The following RRN3 variants were observed in gnomAD, a reference collection of about 807,000 sequenced individuals.
RRN3 encodes RNA polymerase I-specific transcription initiation factor RRN3.
RRN3 carries 38 observed loss-of-function variants against 82.3 expected under a neutral mutation model. The ratio of observed to expected loss-of-function variants is 0.46; its 90% confidence interval spans 0.36 to 0.61. The LOEUF (loss-of-function observed/expected upper bound fraction) is 0.61. RRN3 is among the 20% of genes least tolerant of loss of function. RRN3 has a pLI of 0.00. For missense variants in RRN3, 726 were observed against 793.1 expected (o/e 0.92, Z 1.02); for synonymous variants, 284 against 284.3 (o/e 1.00, Z 0.01).
At chr16:15,082,809 G>C (rs1242001508) in intron 8 of RRN3, among the ~76,000 whole-genome samples, 1 of 151,978 alleles carries the variant, frequency 6.6e-6, no homozygotes, top group Non-Finnish European at 1.5e-5. Flanking sequence ...AAACTGCACA[G>C]ATGATCTGAA....
At chr16:15,067,713 T>C (rs1471988574) in intron 15 of RRN3, among the ~76,000 whole-genome samples, 1 of 152,028 alleles carries the variant, frequency 6.6e-6, no homozygotes, top group Admixed American at 6.6e-5. Context: ...GCCATCAAAG[T>C]ATAAAAACAA....
intron 16 of RRN3, among the ~76,000 whole-genome samples, chr16:15,064,717 C>T (rs552844781): frequency 6.6e-6 from 1 of 152,334 alleles, no homozygotes; most frequent in South Asian, 2.1e-4. Flanking sequence ...GGGGTGCCTG[C>T]GCCACTCGGC....
chr16:15,062,773 C>G (rs1315674587), intron 17 of RRN3, among the ~76,000 whole-genome samples: 1 of 152,180 alleles, frequency 6.6e-6, no homozygotes, highest in African/African-American at 2.4e-5. Flanking sequence ...CTGGTTTAAG[C>G]AATTTATCCA....
intron 3 of RRN3, among the ~76,000 whole-genome samples, chr16:15,091,087 C>G (rs1449785155): frequency 1.3e-5 from 2 of 152,062 alleles, no homozygotes; most frequent in African/African-American, 4.8e-5. Flanking sequence ...CATTCACCCA[C>G]TAGATGCCAG....
chr16:15,089,572 G>A (rs534426592), intron 3 of RRN3, among the ~76,000 whole-genome samples: 25 of 152,096 alleles, frequency 1.6e-4, no homozygotes, highest in East Asian at 7.7e-4. Context: ...AGGCCAAGGC[G>A]GGCGGATCAC....
intron 3 of RRN3, 87 bp downstream of exon 3, chr16:15,091,228 T>C (rs532735388): frequency 6.5e-7 from 1 of 1,538,784 alleles, no homozygotes. Context: ...GAGCAAGTTC[T>C]GGAGGACAGA....
intron 3 of RRN3, among the ~76,000 whole-genome samples, chr16:15,090,513 C>G (rs1334506134): frequency 1.3e-5 from 2 of 152,192 alleles, no homozygotes; most frequent in Non-Finnish European, 2.9e-5. Context: ...GAGAAAGGAT[C>G]ATTTGAGGCC....
chr16:15,085,636 T>C lies in RRN3; in HGVS notation c.532+3A>G. The stretch of plus-strand genomic sequence containing the variant: ...CCCAGGCTTTAAACCTTTTTATACT[T>C]ACTATCATCTTCATCATCAGAATCT... On this transcript the variant is annotated splice_donor_region_variant and intron_variant, in intron 6 of 17. Transcript: ENST00000198767. 6.2e-7 allele frequency: 1 copy of C among 1,612,878 alleles called. No individual in the cohort carries two copies. The highest frequency in any genetic ancestry group is 8.5e-7 in the Non-Finnish European group (1 of 1,179,288).
intron 8 of RRN3, among the ~76,000 whole-genome samples, chr16:15,080,984 C>T (rs2045678950): frequency 6.6e-6 from 1 of 152,112 alleles, no homozygotes; most frequent in Non-Finnish European, 1.5e-5. Context: ...TAAACCATTC[C>T]TTTCATATCA....
chr16:15,078,898 A>T (rs974928784), intron 9 of RRN3, among the ~76,000 whole-genome samples: 10 of 138,294 alleles, frequency 7.2e-5, no homozygotes, highest in African/African-American at 2.8e-4. Flanking sequence ...TGCAAGCTCC[A>T]CCTCCCGGAT....
chr16:15,068,614 T>C (rs1280075133), intron 14 of RRN3, among the ~76,000 whole-genome samples: 4 of 152,208 alleles, frequency 2.6e-5, no homozygotes, highest in Admixed American at 2.6e-4. Flanking sequence ...TGTGATTTGG[T>C]TTCAGCTAAC....
Position 15,061,657 on chromosome 16 carries a change from A to G in RRN3, c.*87T>C. On this transcript the variant is annotated 3_prime_UTR_variant, in exon 18 of 18. Coordinates refer to ENST00000198767, the MANE Select transcript of RRN3 (RefSeq NM_018427.5). ...GCACTCGCTCTAGTTCAATGCCATCAATGCCCAATGGCACAAGCTGGGTGC... is the reference window on the plus strand; with the variant it reads ...GCACTCGCTCTAGTTCAATGCCATCGATGCCCAATGGCACAAGCTGGGTGC... 2.3e-6 allele frequency: 3 copies of G among 1,307,264 alleles called. No individual in the cohort carries two copies. The highest frequency in any genetic ancestry group is 1.4e-5 in the South Asian group (1 of 73,918). 81.0% of individuals were successfully genotyped at this position (1,307,264 alleles called of 1,614,324 possible).
upstream of RRN3, chr16:15,094,324 G>T (rs2151834210): frequency 1.7e-6 from 2 of 1,203,850 alleles, no homozygotes; most frequent in Admixed American, 2.3e-5. Context: ...GCGTGCCAGC[G>T]CAACCTTCAG....
At chr16:15,068,311 G>C in intron 14 of RRN3, 34 bp from the exon 15 acceptor site, 1 of 1,552,124 alleles carries the variant, frequency 6.4e-7, no homozygotes, top group South Asian at 1.2e-5. Flanking sequence ...TTTTTTTAAA[G>C]GTACAAATAA....
At chr16:15,065,106 C>T (rs2044906907) in intron 16 of RRN3, 113 bp downstream of exon 16, 10 of 1,074,190 alleles carry the variant, frequency 9.3e-6, no homozygotes, top group East Asian at 2.4e-5. Context: ...GCGGAGCTTG[C>T]GGTAAGCCGA....
intron 12 of RRN3, among the ~76,000 whole-genome samples, chr16:15,072,245 C>CA (rs55852324): frequency 0.017 from 2,220 of 133,448 alleles, 30 homozygotes; most frequent in African/African-American, 0.019. Context: ...TTTCCCCCAC[C>CA]AAAAAAAAAA....
intron 8 of RRN3, among the ~76,000 whole-genome samples, chr16:15,081,408 T>C (rs977205843): frequency 6.6e-6 from 1 of 152,230 alleles, no homozygotes; most frequent in African/African-American, 2.4e-5. Context: ...GTTCTGATTA[T>C]AGCCATCCTT....
chr16:15,064,278 A>C (rs2044856463), intron 16 of RRN3, among the ~76,000 whole-genome samples: 1 of 151,764 alleles, frequency 6.6e-6, no homozygotes. Context: ...CGGGTTCAAG[A>C]GATTCTCCTG....
intron 3 of RRN3, among the ~76,000 whole-genome samples, chr16:15,090,652 A>G (rs560447278): frequency 8.5e-5 from 13 of 152,320 alleles, no homozygotes; most frequent in Admixed American, 7.8e-4. Context: ...GGTTTCACAC[A>G]GTGGAAAATA....
Sources: gnomAD v4.1 joint callset for allele counts (sites outside exome capture counted in the v4.1 genomes callset) on GRCh38, gnomAD v4.1.1 for gene constraint, MANE v1.5 for transcripts, NCBI Gene and HGNC (gene_info 2026-07-23, HGNC 2026-07-21) for gene names.